Variants in PTPRM observed in about 807,000 individuals in gnomAD.
PTPRM encodes the protein receptor-type tyrosine-protein phosphatase mu.
A neutral mutation model predicts 186.7 loss-of-function variants in PTPRM; 47 were observed. That is an observed-to-expected ratio of 0.25 (90% CI 0.20 to 0.32). PTPRM has a LOEUF of 0.32. PTPRM is among the 10% of genes least tolerant of loss of function. The probability of loss-of-function intolerance (pLI) is 1.00; values close to 1 mark genes in which losing one functional copy is unlikely to be tolerated. For synonymous variants in PTPRM, 668 were observed against 674.9 expected, an observed-to-expected ratio of 0.99 and a Z score of 0.16; for missense variants, 1,494 against 1,865.0, an observed-to-expected ratio of 0.80 and a Z score of 3.66.
intron 7 of PTPRM, among the ~76,000 whole-genome samples, chr18:8,056,936 A>G (rs1377973478): frequency 6.6e-6 from 1 of 152,084 alleles, no homozygotes; most frequent in Non-Finnish European, 1.5e-5. Flanking sequence ...CTTGTAGTAG[A>G]GAAAAGGTAA....
intron 1 of PTPRM, among the ~76,000 whole-genome samples, chr18:7,772,640 T>G (rs2042383366): frequency 1.3e-5 from 2 of 152,054 alleles, no homozygotes; most frequent in Non-Finnish European, 2.9e-5. Context: ...GCCTCATCTA[T>G]TCAGAGGCTG....
Position 8,240,618 on chromosome 18 carries a change from G to GGA in PTPRM, c.2301-3405_2301-3404dup, listed in dbSNP as rs372227037. The stretch of plus-strand genomic sequence containing the variant: ...TGCATGGAGAGAGAGAGAGAGGGAG[G>GGA]GAGAGAGAGAGAGAGAGAGAGAGAG... On this transcript the variant is annotated intron_variant, in intron 14 of 32. Transcript: ENST00000580170. Among the ~76,000 whole-genome samples, 112 of 34,808 alleles carry GGA rather than the reference G, an allele frequency of 3.2e-3. 2 individuals carry two copies. The highest frequency in any genetic ancestry group is 0.01 in the East Asian group (13 of 1,282). The allele number at this position is 34,808 out of a possible 152,430, so 22.8% of individuals were successfully genotyped here.
chr18:8,009,897 T>C (rs915005935), intron 7 of PTPRM, among the ~76,000 whole-genome samples: 11 of 152,144 alleles, frequency 7.2e-5, no homozygotes, highest in African/African-American at 2.7e-4. Context: ...TCCCTCTTTT[T>C]TTCCTGAGTT....
intron 7 of PTPRM, among the ~76,000 whole-genome samples, chr18:8,007,820 T>C (rs2084280326): frequency 6.6e-6 from 1 of 152,208 alleles, no homozygotes; most frequent in South Asian, 2.1e-4. Context: ...GATAGAAAAC[T>C]ATATGTTAAA....
chr18:8,054,793 A>G, intron 7 of PTPRM, among the ~76,000 whole-genome samples: 1 of 152,106 alleles, frequency 6.6e-6, no homozygotes, highest in East Asian at 1.9e-4. Flanking sequence ...TTCTTTTTGA[A>G]GGTGATCCTT....
chr18:7,865,817 G>GT lies in PTPRM; in HGVS notation c.197-22281dup, dbSNP rs879619304. Among the ~76,000 whole-genome samples the GT allele has an allele frequency of 1.2e-3, 185 of 151,820 alleles. 1 individual carries two copies. The highest frequency in any genetic ancestry group is 2.0e-3 in the Admixed American group (30 of 15,222). On this transcript the variant is annotated intron_variant, in intron 2 of 32. Transcript: ENST00000580170. Reference sequence around the variant, plus strand: ...GGCTGTGAATCCGTCTGGTCCTGGAGTTTTTTTTGGTTGGTAGGCTATTAA... The same window carrying GT: ...GGCTGTGAATCCGTCTGGTCCTGGAGTTTTTTTTTGGTTGGTAGGCTATTAA...
At chr18:8,329,331 T>C (rs1263845605) in intron 22 of PTPRM, among the ~76,000 whole-genome samples, 1 of 152,248 alleles carries the variant, frequency 6.6e-6, no homozygotes, top group Admixed American at 6.5e-5. Flanking sequence ...GTGAGTCATA[T>C]ATGCAAAAGT....
At chr18:7,833,250 A>T (rs1404789509) in intron 2 of PTPRM, among the ~76,000 whole-genome samples, 1 of 152,158 alleles carries the variant, frequency 6.6e-6, no homozygotes, top group Non-Finnish European at 1.5e-5. Flanking sequence ...ATCCATGAAC[A>T]TGGAATATTT....
At chr18:8,240,634 A>AGGGAGG (rs1568583459) in intron 14 of PTPRM, among the ~76,000 whole-genome samples, 1 of 46,872 alleles carries the variant, frequency 2.1e-5, no homozygotes, top group Admixed American at 2.0e-4. Context: ...AGAGAGAGAG[A>AGGGAGG]GAGAGAGAGA....
chr18:7,677,548 A>C (rs1202780890), intron 1 of PTPRM, among the ~76,000 whole-genome samples: 1 of 152,148 alleles, frequency 6.6e-6, no homozygotes, highest in Non-Finnish European at 1.5e-5. Flanking sequence ...GATGAATGTC[A>C]TACTGATTGC....
intron 1 of PTPRM, among the ~76,000 whole-genome samples, chr18:7,766,863 A>G (rs2042038747): frequency 6.6e-6 from 1 of 152,234 alleles, no homozygotes; most frequent in Non-Finnish European, 1.5e-5. Context: ...TAGTACAGGG[A>G]ATATTGATGC....
chr18:7,962,588 C>A (rs1175810115), intron 7 of PTPRM, among the ~76,000 whole-genome samples: 7 of 152,162 alleles, frequency 4.6e-5, no homozygotes, highest in Admixed American at 3.9e-4. Context: ...ATGAGATTCT[C>A]ATGTTGGAAA....
chr18:7,567,549 C>T lies in PTPRM; in HGVS notation c.-270C>T, dbSNP rs2036455328. The stretch of plus-strand genomic sequence containing the variant: ...CCGGAACCGAGGGAAGATTTTGGCT[C>T]CGCGGGCTCGCCCTCCGCTCCCTCT... On this transcript the variant is annotated 5_prime_UTR_variant, in exon 1 of 33. Transcript: ENST00000580170. This position sits in a 1 kb window ranked among gnomAD's most constrained non-coding sequence, Gnocchi z 4.3. 3 of 361,456 alleles carry T rather than the reference C, an allele frequency of 8.3e-6. No individual in the cohort carries two copies. The highest frequency in any genetic ancestry group is 8.5e-5 in the East Asian group (2 of 23,506). 22.4% of individuals were successfully genotyped at this position (361,456 alleles called of 1,614,324 possible).
intron 1 of PTPRM, among the ~76,000 whole-genome samples, chr18:7,706,155 G>A (rs900818260): frequency 3.3e-5 from 5 of 150,762 alleles, no homozygotes; most frequent in African/African-American, 1.2e-4. Flanking sequence ...GTATTGTTTT[G>A]GGTCCAGACC....
At chr18:7,763,473 C>A (rs1436112457) in intron 1 of PTPRM, among the ~76,000 whole-genome samples, 1 of 152,178 alleles carries the variant, frequency 6.6e-6, no homozygotes, top group Non-Finnish European at 1.5e-5. Context: ...ATGAAGACTG[C>A]ATATCTCCTT....
At chr18:7,611,169 A>G (rs1346848941) in intron 1 of PTPRM, among the ~76,000 whole-genome samples, 1 of 152,136 alleles carries the variant, frequency 6.6e-6, no homozygotes, top group East Asian at 1.9e-4. Flanking sequence ...TAAGCTAAGT[A>G]TTATTACAAA....
chr18:8,245,735 G>A (rs1323226063), intron 15 of PTPRM, among the ~76,000 whole-genome samples: 4 of 152,036 alleles, frequency 2.6e-5, no homozygotes, highest in East Asian at 1.9e-4. Context: ...ACCCATTAAC[G>A]TTCCAAATCT....
intron 26 of PTPRM, chr18:8,377,390 C>T (rs555401260): frequency 6.6e-6 from 1 of 152,112 alleles, no homozygotes; most frequent in East Asian, 1.9e-4. Context: ...GGGTTCTTTT[C>T]CTTAGAAAGG....
chr18:7,708,009 T>G (rs1482353539), intron 1 of PTPRM, among the ~76,000 whole-genome samples: 2 of 152,264 alleles, frequency 1.3e-5, no homozygotes, highest in African/African-American at 4.8e-5. Flanking sequence ...AGCACTAGAA[T>G]ATTGCAGAAT....
Sources: allele counts gnomAD v4.1 joint callset (sites outside exome capture counted in the v4.1 genomes callset), GRCh38; gene constraint gnomAD v4.1.1; non-coding constraint Gnocchi (gnomAD v3.1); transcripts MANE v1.5; gene names NCBI Gene and HGNC (gene_info 2026-07-23, HGNC 2026-07-21).